SHISA5: variants seen among roughly 807,000 people sequenced by gnomAD.
The protein encoded by SHISA5 is shisa family member 5, also known as protein shisa-5.
Under a neutral mutation model 27.5 loss-of-function variants are expected in SHISA5, and 21 were observed. The ratio of observed to expected loss-of-function variants is 0.76; its 90% CI spans 0.54 to 1.10. The LOEUF (loss-of-function observed/expected upper bound fraction) is 1.10, where lower values mean the gene tolerates loss of function less well. Among genes scored for constraint, SHISA5 ranks in the 50% least tolerant of loss-of-function variants. SHISA5 has a pLI of 0.00. For missense variants in SHISA5, 314 were observed against 336.3 expected (o/e 0.93, Z 0.52); for synonymous variants, 137 against 142.2 (o/e 0.96, Z 0.26).
At chr3:48,504,367 C>T (rs184435685), upstream of SHISA5, 6 of 330,820 alleles carry the variant, frequency 1.8e-5, no homozygotes, top group Admixed American at 9.8e-5. The surrounding 1 kb of genome is among the most constrained non-coding windows in gnomAD (Gnocchi z 4.0). Context: ...AAACTTGGTA[C>T]CGGTTCCCAG....
rs981529236 is a variant in SHISA5 at position 48,470,535 on chromosome 3, G to C, written c.315-692C>G. Among the ~76,000 whole-genome samples, 1 of 152,236 alleles carries C rather than the reference G, an allele frequency of 6.6e-6. No homozygotes were observed. Among genetic ancestry groups the C allele is most frequent in the African/African-American group, 2.4e-5 (1 of 41,472 alleles). ...CCTGCATGGCCACTTCCACAGGTGA[G>C]AGGGCCAAGAGCCAAGGGGAGGACA... On this transcript the variant is annotated intron_variant, in intron 3 of 5. Coordinates refer to ENST00000296444, the MANE Select transcript of SHISA5 (RefSeq NM_016479.6). The surrounding 1 kb of genome is among the most constrained non-coding windows in gnomAD (Gnocchi z 4.3).
Position 48,469,547 on chromosome 3 carries a change from T to A in SHISA5, c.457A>T (p.Thr153Ser). The A allele has an allele frequency of 6.2e-7, 1 of 1,610,032 alleles. No homozygotes were observed. Among genetic ancestry groups the A allele is most frequent in the Non-Finnish European group, 8.5e-7 (1 of 1,177,256 alleles). ...TGAGGATAAGGGGCATGCACCACAG[T>A]GGTGGATGTGGTGGTGGTGACAACC... ...RPVVTTTTST[T>S]VVHAPYPQPP... Residue 153 changes from threonine (T) to serine (S), a missense_variant, in exon 5 of 6, where the codon ACT becomes TCT. Thr to Ser is a moderately conservative substitution (Grantham distance 58). Transcript: ENST00000296444. The surrounding 1 kb of genome is among the most constrained non-coding windows in gnomAD (Gnocchi z 4.6).
At position 48,469,860 on chromosome 3, in the gene SHISA5, C is replaced by A. The variant is rs368223543; in HGVS notation, c.315-17G>T. 1.2e-6 allele frequency: 2 copies of A among 1,608,448 alleles called. No individual in the cohort carries two copies. Among genetic ancestry groups the A allele is most frequent in the Non-Finnish European group, 1.7e-6 (2 of 1,177,332 alleles). On this transcript the variant is annotated splice_polypyrimidine_tract_variant and intron_variant, in intron 3 of 5. Transcript: ENST00000296444. The surrounding 1 kb of genome is among the most constrained non-coding windows in gnomAD (Gnocchi z 4.6). Reference sequence around the variant, plus strand: ...GCTCCGAACCTGCCAAAGAGCTAGACGTGACCCGGGGCACCTCGCCCCTCC... The same window carrying A: ...GCTCCGAACCTGCCAAAGAGCTAGAAGTGACCCGGGGCACCTCGCCCCTCC...
chr3:48,488,583 C>T (rs2041323689), intron 2 of SHISA5, among the ~76,000 whole-genome samples: 1 of 148,970 alleles, frequency 6.7e-6, no homozygotes, highest in African/African-American at 2.4e-5. Flanking sequence ...CCTGTAATCC[C>T]AGCACTTTGG....
At position 48,501,860 on chromosome 3, in the gene SHISA5, CT is replaced by C. The variant is rs35527637; in HGVS notation, c.77-568del. ...CAGACACTGGACTGTCCCTTTCTTT[CT>C]TTTTTTTTTTTTTTTTTGAGACAGA... On this transcript the variant is annotated intron_variant, in intron 1 of 5. Coordinates refer to ENST00000296444, the MANE Select transcript of SHISA5 (RefSeq NM_016479.6). Among the ~76,000 whole-genome samples, 991 of 133,056 alleles carry C rather than the reference CT, an allele frequency of 7.4e-3. 2 individuals carry two copies. The highest frequency in any genetic ancestry group is 0.023 in the African/African-American group (775 of 34,076). The allele number at this position is 133,056 out of a possible 152,430, so 87.3% of individuals were successfully genotyped here.
intron 3 of SHISA5, among the ~76,000 whole-genome samples, chr3:48,475,628 C>G (rs886116104): frequency 6.6e-6 from 1 of 152,184 alleles, no homozygotes; most frequent in South Asian, 2.1e-4. Context: ...GCCTAATGGG[C>G]CTCTCTCCCT....
intron 2 of SHISA5, among the ~76,000 whole-genome samples, chr3:48,482,854 C>A (rs2041067982): frequency 6.6e-6 from 1 of 152,004 alleles, no homozygotes; most frequent in Non-Finnish European, 1.5e-5. Context: ...AGGCTGGACT[C>A]GAACTCCTGA....
At chr3:48,479,056 A>G in intron 3 of SHISA5, 121 bp downstream of exon 3, 1 of 843,634 alleles carries the variant, frequency 1.2e-6, no homozygotes, top group Non-Finnish European at 1.9e-6. Flanking sequence ...ATATGGTGAC[A>G]GTTTCTTGGG....
intron 2 of SHISA5, among the ~76,000 whole-genome samples, chr3:48,488,297 G>A (rs985006164): frequency 7.6e-6 from 1 of 131,438 alleles, no homozygotes; most frequent in Non-Finnish European, 1.5e-5. Flanking sequence ...GCCCAATCTC[G>A]ACTCAATGCA....
In SHISA5 at chr3:48,469,711, A is replaced by G; in HGVS notation, c.430+17T>C. On this transcript the variant is annotated intron_variant, in intron 4 of 5. Transcript: ENST00000296444. The surrounding 1 kb of genome is among the most constrained non-coding windows in gnomAD (Gnocchi z 4.6). ...CCACCCCAGGGGGTCACAGTGGGGC[A>G]GGGTGGGCACGCTTACGACGTGGTC... 14 of 1,613,706 alleles carry G rather than the reference A, an allele frequency of 8.7e-6. No individual in the cohort carries two copies. Among genetic ancestry groups the G allele is most frequent in the Non-Finnish European group, 1.2e-5 (14 of 1,179,798 alleles).
Position 48,469,405 on chromosome 3 carries a change from G to A in SHISA5, c.599C>T (p.Pro200Leu), listed in dbSNP as rs751631585. Residue 200 changes from proline to leucine, a missense_variant, in exon 5 of 6, where the codon CCA (proline) becomes CTA (leucine). Transcript: ENST00000296444. This position sits in a 1 kb window ranked among gnomAD's most constrained non-coding sequence, Gnocchi z 4.6. ...GGCCGGTGGGCCCATGGGCTGGGCT[G>A]GGTAAGGTGGTGGGTACTGCATTGG... ...PYPMQYPPPY[P>L]AQPMGPPAYH... is the part of the protein sequence containing the mutation. The A allele has an allele frequency of 6.2e-6, 10 of 1,607,984 alleles. No homozygotes were observed. The highest frequency in any genetic ancestry group is 3.4e-5 in the Admixed American group (2 of 59,668).
At chr3:48,479,905 G>GT (rs35955467) in intron 2 of SHISA5, among the ~76,000 whole-genome samples, 11,662 of 122,030 alleles carry the variant, frequency 0.096, 850 homozygotes, top group African/African-American at 0.22. Context: ...TTTCCACAAA[G>GT]TTTTTTTTTT....
Position 48,469,183 on chromosome 3 carries a change from C to T in SHISA5, c.647G>A (p.Gly216Glu), listed in dbSNP as rs774585802. The change falls in exon 6 of 6, where the codon GGA (glycine) becomes GAA (glutamate). Residue 216 changes from glycine (G) to glutamate (E), a missense_variant. By Grantham distance (98) the Gly-to-Glu change is moderately conservative. Coordinates refer to ENST00000296444, the MANE Select transcript of SHISA5 (RefSeq NM_016479.6). The surrounding 1 kb of genome is among the most constrained non-coding windows in gnomAD (Gnocchi z 4.6). ...PPAYHETLAG[G>E]AAAPYPASQP... Reference sequence around the variant, plus strand: ...GCTGGCGGGGTAGGGCGCGGCTGCTCCTCCTGAAAGCAGAGAGGACCCTGG... The same window carrying T: ...GCTGGCGGGGTAGGGCGCGGCTGCTTCTCCTGAAAGCAGAGAGGACCCTGG... The T allele has an allele frequency of 6.2e-7, 1 of 1,611,948 alleles. No homozygotes were observed. The highest frequency in any genetic ancestry group is 8.5e-7 in the Non-Finnish European group (1 of 1,179,806).
chr3:48,503,037 C>T, intron 1 of SHISA5: 1 of 1,183,792 alleles, frequency 8.4e-7, no homozygotes, highest in Admixed American at 2.3e-5. Flanking sequence ...CTGCTCTGGG[C>T]AAAGCCATGG....
rs1272831334 is a variant in SHISA5 at position 48,467,895 on chromosome 3, T to C, written c.*1212A>G. ...AGCAGCTCCAAACGATTGCATTTATTATAAACAAGTGTACAGACCCTAGAC... is the reference window on the plus strand; with the variant it reads ...AGCAGCTCCAAACGATTGCATTTATCATAAACAAGTGTACAGACCCTAGAC... On this transcript the variant is annotated 3_prime_UTR_variant, in exon 6 of 6. Transcript: ENST00000296444. 2.1e-6 allele frequency: 1 copy of C among 480,012 alleles called. No homozygotes were observed. Among genetic ancestry groups the C allele is most frequent in the African/African-American group, 1.9e-5 (1 of 51,512 alleles). The allele number at this position is 480,012 out of a possible 1,614,324, so 29.7% of individuals were successfully genotyped here.
chr3:48,503,055 G>T (rs1213642230), intron 1 of SHISA5: 1 of 1,242,310 alleles, frequency 8.0e-7, no homozygotes, highest in Non-Finnish European at 1.1e-6. Flanking sequence ...TGGAGCAGAG[G>T]ATTGGACCAT....
In SHISA5 at chr3:48,469,915, A is replaced by G; in HGVS notation, c.315-72T>C. The G allele has an allele frequency of 6.4e-7, 1 of 1,554,084 alleles. No homozygotes were observed. Among genetic ancestry groups the G allele is most frequent in the Non-Finnish European group, 8.7e-7 (1 of 1,146,802 alleles). On this transcript the variant is annotated intron_variant, in intron 3 of 5. Coordinates refer to ENST00000296444, the MANE Select transcript of SHISA5 (RefSeq NM_016479.6). This position sits in a 1 kb window ranked among gnomAD's most constrained non-coding sequence, Gnocchi z 4.6. Reference sequence around the variant, plus strand: ...ACCAGCATCCACACCTTCCCAAGGCATGCCCCTCTTGCCAGAAGGGGTCTG... The same window carrying G: ...ACCAGCATCCACACCTTCCCAAGGCGTGCCCCTCTTGCCAGAAGGGGTCTG...
At chr3:48,482,915 G>T (rs569889488) in intron 2 of SHISA5, among the ~76,000 whole-genome samples, 178 of 151,762 alleles carry the variant, frequency 1.2e-3, no homozygotes, top group Non-Finnish European at 1.9e-3. Context: ...TTACAGGTGT[G>T]AGCCACCGTG....
chr3:48,477,197 T>G (rs2040856447), intron 3 of SHISA5: 1 of 396,008 alleles, frequency 2.5e-6, no homozygotes, highest in Non-Finnish European at 4.9e-6. Context: ...TGGGTTCAAG[T>G]GATTCTCCTG....
Sources: allele counts gnomAD v4.1 joint callset (sites outside exome capture counted in the v4.1 genomes callset), GRCh38; gene constraint gnomAD v4.1.1; non-coding constraint Gnocchi (gnomAD v3.1); transcripts MANE v1.5; gene names NCBI Gene and HGNC (gene_info 2026-07-23, HGNC 2026-07-21).